The following THRAP3 variants were observed in gnomAD, a reference collection of about 807,000 sequenced individuals.
THRAP3 encodes the protein thyroid hormone receptor-associated protein 3.
In THRAP3, 16 loss-of-function variants were observed where a neutral mutation model predicts 101.0. The observed-to-expected ratio is 0.16, with a 90% CI of 0.11 to 0.24. The LOEUF (loss-of-function observed/expected upper bound fraction) is 0.24, where lower values mean the gene tolerates loss of function less well. Among genes scored for constraint, THRAP3 ranks in the 10% least tolerant of loss-of-function variants. The pLI, the probability that THRAP3 is intolerant of heterozygous loss-of-function variation, is 1.00. For synonymous variants in THRAP3, 407 were observed against 422.6 expected, an observed-to-expected ratio of 0.96 and a Z score of 0.45; for missense variants, 989 against 1,202.7, an observed-to-expected ratio of 0.82 and a Z score of 2.63.
At chr1:36,252,117 A>AT (rs1159345359) in intron 1 of THRAP3, among the ~76,000 whole-genome samples, 1 of 152,006 alleles carries the variant, frequency 6.6e-6, no homozygotes, top group Non-Finnish European at 1.5e-5. Flanking sequence ...ATGAGGGTTT[A>AT]TTTTTATTTT....
In THRAP3 at chr1:36,275,586, CAAAAA is replaced by C. The variant is rs754150358; in HGVS notation, c.-31-6933_-31-6929del. Among the ~76,000 whole-genome samples, 105 of 13,828 alleles carry C rather than the reference CAAAAA, an allele frequency of 7.6e-3. 1 individual carries two copies. Among genetic ancestry groups the C allele is most frequent in the African/African-American group, 0.019 (99 of 5,226 alleles). The allele number at this position is 13,828 out of a possible 152,430, so 9.1% of individuals were successfully genotyped here. The stretch of plus-strand genomic sequence containing the variant: ...TGGGTGACAGAGCAAGACTCTGTCT[CAAAAA>C]AAAAAAAAAAAAAGTCTTCTTTTTT... On this transcript the variant is annotated intron_variant, in intron 2 of 11. Coordinates refer to ENST00000354618, the MANE Select transcript of THRAP3 (RefSeq NM_005119.4).
chr1:36,251,377 C>T (rs192192666), intron 1 of THRAP3, among the ~76,000 whole-genome samples: 11 of 152,256 alleles, frequency 7.2e-5, no homozygotes, highest in African/African-American at 2.2e-4. Context: ...CTGCACAGCC[C>T]GAGAGCATGA....
intron 1 of THRAP3, among the ~76,000 whole-genome samples, chr1:36,251,839 A>T (rs1373655701): frequency 6.6e-6 from 1 of 152,220 alleles, no homozygotes; most frequent in African/African-American, 2.4e-5. Flanking sequence ...GAACAGTTTT[A>T]TAGATAAGGG....
intron 1 of THRAP3, among the ~76,000 whole-genome samples, chr1:36,245,220 G>A (rs1432378511): frequency 6.7e-6 from 1 of 149,622 alleles, no homozygotes; most frequent in Non-Finnish European, 1.5e-5. Flanking sequence ...GGTCTGGAGT[G>A]CACTGGCACA....
intron 2 of THRAP3, among the ~76,000 whole-genome samples, chr1:36,281,191 G>A (rs766688987): frequency 5.0e-4 from 76 of 152,226 alleles, no homozygotes; most frequent in Non-Finnish European, 9.0e-4. Context: ...ACAGGCGTGA[G>A]CCACCGCCCC....
At chr1:36,235,662 G>A (rs953303898) in intron 1 of THRAP3, among the ~76,000 whole-genome samples, 47 of 152,106 alleles carry the variant, frequency 3.1e-4, no homozygotes, top group African/African-American at 1.1e-3. Context: ...GCTGGTAGCA[G>A]TATAAATTGC....
chr1:36,292,096 T>C (rs1358553222), intron 6 of THRAP3, among the ~76,000 whole-genome samples: 2 of 151,966 alleles, frequency 1.3e-5, no homozygotes, highest in Non-Finnish European at 2.9e-5. Flanking sequence ...AGTGGAAATC[T>C]AGTGCCCAAT....
rs1236424939 is a variant in THRAP3, at chr1:36,282,819, G to GT, written c.137+120dup. On this transcript the variant is annotated intron_variant, in intron 3 of 11. Transcript: ENST00000354618. ...AAATGGACTGGGGGGTTGGCTTGAG[G>GT]TGCAGGGTTGGGCTATAAGATATTC... 4 of 1,099,626 alleles carry GT rather than the reference G, an allele frequency of 3.6e-6. No homozygotes were observed. In the African/African-American group the frequency reaches 6.2e-5, roughly 17 times the overall value. 68.1% of individuals were successfully genotyped at this position (1,099,626 alleles called of 1,614,324 possible). A position where few individuals can be genotyped will look rare whatever the true frequency, so the allele number is the denominator to read the frequency against.
chr1:36,228,256 CA>C (rs200865424), intron 1 of THRAP3, among the ~76,000 whole-genome samples: 3,688 of 149,448 alleles, frequency 0.025, 147 homozygotes, highest in African/African-American at 0.085. Context: ...TCTCTCTTGT[CA>C]CCCAGGCTGG....
the THRAP3 span, among the ~76,000 whole-genome samples, chr1:36,216,209 T>C: frequency 6.6e-6 from 1 of 151,562 alleles, no homozygotes; most frequent in Non-Finnish European, 1.5e-5. Flanking sequence ...TGAGACCGTG[T>C]CTCTACAAAA....
At chr1:36,239,416 G>A (rs866031821) in intron 1 of THRAP3, among the ~76,000 whole-genome samples, 1 of 152,056 alleles carries the variant, frequency 6.6e-6, no homozygotes, top group Non-Finnish European at 1.5e-5. Context: ...ACAGGTTTGC[G>A]CCACCATGGC....
At chr1:36,209,664 G>C in the THRAP3 span, among the ~76,000 whole-genome samples, 1 of 152,184 alleles carries the variant, frequency 6.6e-6, no homozygotes, top group Non-Finnish European at 1.5e-5. Flanking sequence ...TGAGGTCCAG[G>C]CTCTTGCTTC....
intron 7 of THRAP3, 84 bp downstream of exon 7, chr1:36,292,793 A>C: frequency 9.8e-7 from 1 of 1,021,568 alleles, no homozygotes. Flanking sequence ...TTCTGCTGCT[A>C]ATGCACCTTT....
chr1:36,247,656 A>G (rs1347013127), intron 1 of THRAP3, among the ~76,000 whole-genome samples: 1 of 152,096 alleles, frequency 6.6e-6, no homozygotes, highest in African/African-American at 2.4e-5. Flanking sequence ...GTCAAGTATG[A>G]TATACAAGAA....
At chr1:36,303,665 A>AGAAAAGGAT in intron 11 of THRAP3, 131 bp from the exon 12 acceptor site, 1 of 1,388,878 alleles carries the variant, frequency 7.2e-7, no homozygotes, top group Non-Finnish European at 9.7e-7. Flanking sequence ...GGAGAAGTGC[A>AGAAAAGGAT]GAAAAGGATC....
At chr1:36,216,136 T>C in the THRAP3 span, among the ~76,000 whole-genome samples, 1 of 152,116 alleles carries the variant, frequency 6.6e-6, no homozygotes, top group African/African-American at 2.4e-5. Context: ...CCTAGCACTT[T>C]GGAAGGCCTA....
intron 1 of THRAP3, among the ~76,000 whole-genome samples, chr1:36,232,302 A>G (rs563005638): frequency 2.0e-5 from 3 of 152,224 alleles, no homozygotes; most frequent in South Asian, 4.1e-4. Flanking sequence ...TTGTATACTC[A>G]TAAGTTCTTA....
At chr1:36,285,111 G>C (rs1645779246) in intron 3 of THRAP3, among the ~76,000 whole-genome samples, 1 of 151,996 alleles carries the variant, frequency 6.6e-6, no homozygotes, top group Admixed American at 6.6e-5. Context: ...ATACTGTTTT[G>C]TTTAGTTGTT....
At chr1:36,255,872 T>C (rs979124468) in intron 1 of THRAP3, among the ~76,000 whole-genome samples, 1 of 151,952 alleles carries the variant, frequency 6.6e-6, no homozygotes, top group African/African-American at 2.4e-5. Flanking sequence ...ATACAAATGG[T>C]ATGGTCCTAG....
Sources: gnomAD v4.1 joint callset for allele counts (sites outside exome capture counted in the v4.1 genomes callset) on GRCh38, gnomAD v4.1.1 for gene constraint, MANE v1.5 for transcripts, NCBI Gene and HGNC (gene_info 2026-07-23, HGNC 2026-07-21) for gene names.